The following TSPAN5 variants were observed in gnomAD, a reference collection of about 807,000 sequenced individuals.
TSPAN5 encodes the protein tetraspanin-5.
In TSPAN5, 10 loss-of-function variants were observed where a neutral mutation model predicts 37.1. The observed-to-expected ratio is 0.27, with a 90% CI of 0.17 to 0.46. The LOEUF (loss-of-function observed/expected upper bound fraction) is 0.46, where lower values mean the gene tolerates loss of function less well. Among genes scored for constraint, TSPAN5 ranks in the 20% least tolerant of loss-of-function variants. The pLI is 1.00. For missense variants in TSPAN5, 195 were observed against 326.6 expected, an observed-to-expected ratio of 0.60 and a Z score of 3.11; for synonymous variants, 110 against 118.9, an observed-to-expected ratio of 0.93 and a Z score of 0.48.
intron 1 of TSPAN5, among the ~76,000 whole-genome samples, chr4:98,632,786 G>C (rs968788682): frequency 1.3e-5 from 2 of 152,186 alleles, no homozygotes; most frequent in African/African-American, 4.8e-5. Context: ...ACTGGGGATG[G>C]GGAGGAGGAC....
intron 4 of TSPAN5, among the ~76,000 whole-genome samples, chr4:98,479,695 G>A (rs1208128265): frequency 6.6e-6 from 1 of 152,152 alleles, no homozygotes; most frequent in Non-Finnish European, 1.5e-5. Context: ...TGGTCTAACT[G>A]GTTGTGTAGC....
intron 1 of TSPAN5, among the ~76,000 whole-genome samples, chr4:98,508,391 C>T (rs1017108745): frequency 2.0e-5 from 3 of 152,242 alleles, no homozygotes; most frequent in Admixed American, 6.5e-5. Context: ...CGCATTCAGC[C>T]CTAAGGCAGA....
chr4:98,572,286 C>T (rs1052783279), intron 1 of TSPAN5, among the ~76,000 whole-genome samples: 4 of 152,152 alleles, frequency 2.6e-5, no homozygotes. Flanking sequence ...GACATTAAGA[C>T]CGTAAGCATA....
chr4:98,592,931 A>C (rs1466472883), intron 1 of TSPAN5, among the ~76,000 whole-genome samples: 3 of 139,048 alleles, frequency 2.2e-5, no homozygotes, highest in Non-Finnish European at 4.7e-5. Context: ...AGCATGATTT[A>C]TACTCATTTG....
At chr4:98,486,914 C>A (rs920724795) in intron 2 of TSPAN5, 30 bp from the exon 3 acceptor site, 2 of 1,607,638 alleles carry the variant, frequency 1.2e-6, no homozygotes, top group South Asian at 1.1e-5. Context: ...CACAACAAGG[C>A]ACGGGGATGT....
At chr4:98,486,974 C>T in intron 2 of TSPAN5, 90 bp from the exon 3 acceptor site, 1 of 1,421,184 alleles carries the variant, frequency 7.0e-7, no homozygotes, top group Non-Finnish European at 9.6e-7. Context: ...CCTTTCCCCT[C>T]CCAAAGAAAA....
intron 1 of TSPAN5, among the ~76,000 whole-genome samples, chr4:98,613,552 C>T: frequency 6.6e-6 from 1 of 152,188 alleles, no homozygotes; most frequent in East Asian, 1.9e-4. Flanking sequence ...CTCTGCAAAA[C>T]ACCAAGGTCC....
intron 1 of TSPAN5, among the ~76,000 whole-genome samples, chr4:98,582,194 G>A (rs886850535): frequency 6.6e-5 from 10 of 152,210 alleles, no homozygotes; most frequent in African/African-American, 2.2e-4. Context: ...CTTGTCCAGC[G>A]CATAGCCGCT....
chr4:98,634,534 C>T (rs1255354473), intron 1 of TSPAN5, among the ~76,000 whole-genome samples: 6 of 152,198 alleles, frequency 3.9e-5, no homozygotes, highest in Non-Finnish European at 8.8e-5. Context: ...ATGTGGTTTA[C>T]TTTGCATGCT....
chr4:98,511,537 T>A (rs768468397), intron 1 of TSPAN5, among the ~76,000 whole-genome samples: 2 of 152,230 alleles, frequency 1.3e-5, no homozygotes, highest in Non-Finnish European at 2.9e-5. Context: ...AATAATCTTA[T>A]GGGACCACCA....
At chr4:98,568,455 T>C (rs2110178353) in intron 1 of TSPAN5, among the ~76,000 whole-genome samples, 1 of 151,834 alleles carries the variant, frequency 6.6e-6, no homozygotes, top group Middle Eastern at 3.4e-3. Context: ...GGCAGGAGAA[T>C]CGTTTGAACC....
At chr4:98,535,894 GTTC>G (rs1271693480) in intron 1 of TSPAN5, among the ~76,000 whole-genome samples, 1 of 152,106 alleles carries the variant, frequency 6.6e-6, no homozygotes, top group African/African-American at 2.4e-5. Flanking sequence ...GGTCATGTAT[GTTC>G]TTCTTTAAAC....
In TSPAN5 at chr4:98,472,484, G is replaced by A. The variant is rs750096575; in HGVS notation, c.*38C>T. ...GCACGCGGGAGGGTCCCGAAAGCTGGGTCTGTCCAGTGTCTTGCAGCAGCG... is the reference window on the plus strand; with the variant it reads ...GCACGCGGGAGGGTCCCGAAAGCTGAGTCTGTCCAGTGTCTTGCAGCAGCG... On this transcript the variant is annotated 3_prime_UTR_variant, in exon 8 of 8. Coordinates refer to ENST00000305798, the MANE Select transcript of TSPAN5 (RefSeq NM_005723.4). 3.7e-6 allele frequency: 6 copies of A among 1,605,476 alleles called. No homozygotes were observed. The Admixed American group carries it at 5.0e-5, about 13-fold the overall frequency.
At chr4:98,553,524 AATG>A (rs1265616191) in intron 1 of TSPAN5, among the ~76,000 whole-genome samples, 7 of 152,226 alleles carry the variant, frequency 4.6e-5, no homozygotes, top group Non-Finnish European at 8.8e-5. Flanking sequence ...ATTTAAAGAT[AATG>A]ATATGTTTGT....
At chr4:98,552,996 A>C (rs1231625565) in intron 1 of TSPAN5, among the ~76,000 whole-genome samples, 1 of 152,214 alleles carries the variant, frequency 6.6e-6, no homozygotes, top group Non-Finnish European at 1.5e-5. Flanking sequence ...ATGTAACATG[A>C]AAGTTTTGAA....
chr4:98,620,262 C>A (rs1756451249), intron 1 of TSPAN5, among the ~76,000 whole-genome samples: 1 of 152,182 alleles, frequency 6.6e-6, no homozygotes, highest in Admixed American at 6.5e-5. Flanking sequence ...CACCCGGAGG[C>A]CACCCAGTCG....
intron 2 of TSPAN5, among the ~76,000 whole-genome samples, chr4:98,489,659 T>C (rs1753044758): frequency 6.6e-6 from 1 of 152,170 alleles, no homozygotes; most frequent in Non-Finnish European, 1.5e-5. Context: ...TCCGCTGTGC[T>C]CCTGATCCAG....
rs562815626 is a variant in TSPAN5, at chr4:98,475,889, C to A, written c.741+300G>T. On this transcript the variant is annotated intron_variant, in intron 7 of 7. Transcript: ENST00000305798. ...CCTGTAGTCCCAGCTACTCGGGAGG[C>A]TGAGGCAGGAGAATGGCATGAACCC... 2.0e-5 allele frequency among the ~76,000 whole-genome samples: 3 copies of A among 152,044 alleles called. No homozygotes were observed. In the East Asian group the frequency reaches 5.8e-4, roughly 29 times the overall value.
At chr4:98,531,937 C>G (rs1754102279) in intron 1 of TSPAN5, among the ~76,000 whole-genome samples, 1 of 152,018 alleles carries the variant, frequency 6.6e-6, no homozygotes, top group South Asian at 2.1e-4. Context: ...TGTTTATGTT[C>G]TTTGTAGATT....
Sources: gnomAD v4.1 joint callset for allele counts (sites outside exome capture counted in the v4.1 genomes callset) on GRCh38, gnomAD v4.1.1 for gene constraint, MANE v1.5 for transcripts, NCBI Gene and HGNC (gene_info 2026-07-23, HGNC 2026-07-21) for gene names.